Variants in PITPNM2 observed in about 807,000 individuals in gnomAD.
PITPNM2 encodes phosphatidylinositol transfer protein membrane associated 2.
In PITPNM2, 35 loss-of-function variants were observed where a neutral mutation model predicts 132.2. The ratio of observed to expected loss-of-function variants is 0.26; its 90% CI spans 0.20 to 0.35. The LOEUF (loss-of-function observed/expected upper bound fraction) is 0.35. Among genes scored for constraint, PITPNM2 ranks in the 10% least tolerant of loss-of-function variants. The pLI is 1.00. For missense variants in PITPNM2, 1,332 were observed against 1,912.0 expected (o/e 0.70, Z 5.66); for synonymous variants, 738 against 799.2 (o/e 0.92, Z 1.29).
chr12:123,053,428 G>GT, intron 2 of PITPNM2, among the ~76,000 whole-genome samples: 1 of 148,862 alleles, frequency 6.7e-6, no homozygotes, highest in East Asian at 2.2e-4. Context: ...TTAGATTTTT[G>GT]TAACTAATCT....
At chr12:123,006,455 C>A (rs1348537208) in intron 6 of PITPNM2, among the ~76,000 whole-genome samples, 4 of 151,598 alleles carry the variant, frequency 2.6e-5, no homozygotes, top group Non-Finnish European at 5.9e-5. Flanking sequence ...AATCCTAGCA[C>A]TTTGGGAGGC....
intron 4 of PITPNM2, among the ~76,000 whole-genome samples, chr12:123,013,004 G>A (rs2039273888): frequency 6.6e-6 from 1 of 152,218 alleles, no homozygotes; most frequent in Admixed American, 6.5e-5. Flanking sequence ...AATGTCCACA[G>A]CATGGCAGGA....
chr12:123,008,873 C>A lies in PITPNM2; in HGVS notation c.643+977G>T, dbSNP rs965176731. 6.6e-6 allele frequency among the ~76,000 whole-genome samples: 1 copy of A among 152,222 alleles called. No individual in the cohort carries two copies. The highest frequency in any genetic ancestry group is 2.4e-5 in the African/African-American group (1 of 41,444). Reference sequence around the variant, plus strand: ...CAATCCTTTCGGGTACACATCCACCCTTCCCTTGGGGTCACAGCCCCAACA... The same window carrying A: ...CAATCCTTTCGGGTACACATCCACCATTCCCTTGGGGTCACAGCCCCAACA... On this transcript the variant is annotated intron_variant, in intron 6 of 25. Transcript: ENST00000320201. This position sits in a 1 kb window ranked among gnomAD's most constrained non-coding sequence, Gnocchi z 4.1.
intron 1 of PITPNM2, among the ~76,000 whole-genome samples, chr12:123,127,384 C>T (rs1464296309): frequency 6.6e-6 from 1 of 152,170 alleles, no homozygotes; most frequent in Non-Finnish European, 1.5e-5. Context: ...CCCAAGCAAA[C>T]AGGTGTTAGA....
intron 2 of PITPNM2, among the ~76,000 whole-genome samples, chr12:123,045,471 C>A (rs993226735): frequency 6.6e-6 from 1 of 152,172 alleles, no homozygotes; most frequent in African/African-American, 2.4e-5. Flanking sequence ...CTGCATTTAA[C>A]ACAAATGGAT....
rs1489802401 is a variant in PITPNM2 at position 123,108,997 on chromosome 12, G to A, written c.-96+1388C>T. 6.6e-6 allele frequency among the ~76,000 whole-genome samples: 1 copy of A among 152,178 alleles called. No individual in the cohort carries two copies. The highest frequency in any genetic ancestry group is 1.5e-5 in the Non-Finnish European group (1 of 68,034). ...ATCCCAATCCCACCACTGACTAGCT[G>A]TGCAACCTGGAGCTGATATCTGCCA... On this transcript the variant is annotated intron_variant, in intron 2 of 25. Coordinates refer to ENST00000320201, the MANE Select transcript of PITPNM2 (RefSeq NM_020845.3). This position sits in a 1 kb window ranked among gnomAD's most constrained non-coding sequence, Gnocchi z 4.4.
intron 2 of PITPNM2, among the ~76,000 whole-genome samples, chr12:123,069,921 A>G (rs1198462159): frequency 1.3e-5 from 2 of 152,178 alleles, no homozygotes; most frequent in Non-Finnish European, 2.9e-5. Context: ...CCGTTTCCCA[A>G]GGTGACAGTG....
chr12:123,073,319 C>T (rs1232946489), intron 2 of PITPNM2, among the ~76,000 whole-genome samples: 1 of 152,220 alleles, frequency 6.6e-6, no homozygotes, highest in Non-Finnish European at 1.5e-5. Flanking sequence ...TTTGTTCCAT[C>T]TGCCTTGCAT....
chr12:123,032,191 T>C (rs1187528185), intron 3 of PITPNM2, among the ~76,000 whole-genome samples: 1 of 152,216 alleles, frequency 6.6e-6, no homozygotes, highest in Non-Finnish European at 1.5e-5. Context: ...AAAAAAACCC[T>C]GAAGTGGCTG....
chr12:123,136,483 C>T (rs2043385383), intron 1 of PITPNM2, among the ~76,000 whole-genome samples: 1 of 152,116 alleles, frequency 6.6e-6, no homozygotes, highest in African/African-American at 2.4e-5. Flanking sequence ...TAATCTAGAA[C>T]ACAGCTCACA....
chr12:123,131,867 G>C (rs2043270098), intron 1 of PITPNM2, among the ~76,000 whole-genome samples: 1 of 152,220 alleles, frequency 6.6e-6, no homozygotes, highest in East Asian at 1.9e-4. Flanking sequence ...AACTGTGCTA[G>C]GCCCTTTCAC....
rs991645998 is a variant in PITPNM2, at chr12:123,023,708, A to G, written c.79-9666T>C. Reference sequence around the variant, plus strand: ...AAGAGAAAACATAGGCATAAGTCCTATGAACTTGAACTGGCAATCGTTTTG... The same window carrying G: ...AAGAGAAAACATAGGCATAAGTCCTGTGAACTTGAACTGGCAATCGTTTTG... On this transcript the variant is annotated intron_variant, in intron 3 of 25. Coordinates refer to ENST00000320201, the MANE Select transcript of PITPNM2 (RefSeq NM_020845.3). This position sits in a 1 kb window ranked among gnomAD's most constrained non-coding sequence, Gnocchi z 4.8. Among the ~76,000 whole-genome samples the G allele has an allele frequency of 6.6e-6, 1 of 152,220 alleles. No individual in the cohort carries two copies. Among genetic ancestry groups the G allele is most frequent in the Non-Finnish European group, 1.5e-5 (1 of 68,032 alleles).
rs1345762965 is a variant in PITPNM2 at position 123,151,030 on chromosome 12, C to A, written c.-477G>T. ...GGAAGCGCCGGGCGGGCGGCCGGGG[C>A]CGGCTGGACAGCTCTACGCCGCGGC... On this transcript the variant is annotated 5_prime_UTR_variant, in exon 1 of 26. Coordinates refer to ENST00000320201, the MANE Select transcript of PITPNM2 (RefSeq NM_020845.3). Among the ~76,000 whole-genome samples the A allele has an allele frequency of 1.4e-5, 2 of 145,884 alleles. No homozygotes were observed. Among genetic ancestry groups the A allele is most frequent in the Non-Finnish European group, 3.0e-5 (2 of 65,660 alleles).
chr12:123,045,366 C>T (rs888092420), intron 2 of PITPNM2, among the ~76,000 whole-genome samples: 1 of 152,228 alleles, frequency 6.6e-6, no homozygotes, highest in Admixed American at 6.5e-5. Flanking sequence ...TGACCACCCC[C>T]ACTCCACTGA....
At position 123,141,240 on chromosome 12, in the gene PITPNM2, C is replaced by A. The variant is rs1208408893; in HGVS notation, c.-200+9513G>T. Among the ~76,000 whole-genome samples the A allele has an allele frequency of 2.6e-5, 4 of 152,226 alleles. No homozygotes were observed. The South Asian group carries it at 8.3e-4, about 31-fold the overall frequency. On this transcript the variant is annotated intron_variant, in intron 1 of 25. Transcript: ENST00000320201. ...AGCACTGAGGGCCATACCATGACTT[C>A]TCTGAGCCTCAGTTTCCTCACCTGT...
intron 2 of PITPNM2, among the ~76,000 whole-genome samples, chr12:123,059,052 C>T (rs1205060416): frequency 6.6e-6 from 1 of 152,220 alleles, no homozygotes; most frequent in African/African-American, 2.4e-5. Flanking sequence ...TACAGATCTC[C>T]ATAAGTACTT....
intron 3 of PITPNM2, among the ~76,000 whole-genome samples, chr12:123,025,186 G>A (rs1018217438): frequency 1.3e-5 from 2 of 152,206 alleles, no homozygotes; most frequent in African/African-American, 4.8e-5. Context: ...GGCATCCTCG[G>A]TCAGCTTCCT....
intron 1 of PITPNM2, among the ~76,000 whole-genome samples, chr12:123,128,264 C>CAAAAAAAAAAAAAAAAAAAAAA (rs1170397011): frequency 4.4e-5 from 1 of 22,752 alleles, no homozygotes; most frequent in South Asian, 2.3e-3. Context: ...CCCATCTCTA[C>CAAAAAAAAAAAAAAAAAAAAAA]AAAAAAAAAA....
In PITPNM2 at chr12:122,990,681, G is replaced by A. The variant is rs778525848; in HGVS notation, c.2433C>T (p.Ala811=). ...LADVLQTHNA[A]FQEHGAPSSP... is the part of the protein sequence containing the mutation. Reference sequence around the variant, plus strand: ...AGGAGGGGGCGCCATGCTCTTGGAAGGCTGCATTGTGGGTCTGGAGCACAT... The same window carrying A: ...AGGAGGGGGCGCCATGCTCTTGGAAAGCTGCATTGTGGGTCTGGAGCACAT... Residue 811 remains alanine (A), a synonymous_variant, in exon 17 of 26, where the codon GCC becomes GCT. Transcript: ENST00000320201. The A allele has an allele frequency of 6.2e-7, 1 of 1,611,186 alleles. No individual in the cohort carries two copies. The highest frequency in any genetic ancestry group is 8.5e-7 in the Non-Finnish European group (1 of 1,179,518).
Sources: gnomAD v4.1 joint callset for allele counts (sites outside exome capture counted in the v4.1 genomes callset) on GRCh38, gnomAD v4.1.1 for gene constraint, Gnocchi (gnomAD v3.1) non-coding constraint, MANE v1.5 for transcripts, NCBI Gene and HGNC (gene_info 2026-07-23, HGNC 2026-07-21) for gene names.